The following CSNK2A2 variants were observed in gnomAD, a reference collection of about 807,000 sequenced individuals.
CSNK2A2 encodes casein kinase 2 alpha 2.
In CSNK2A2, 8 loss-of-function variants were observed where a neutral mutation model predicts 54.0. The observed-to-expected ratio is 0.15, with a 90% CI of 0.09 to 0.27. The LOEUF (loss-of-function observed/expected upper bound fraction) is 0.27, where lower values mean the gene tolerates loss of function less well. CSNK2A2 is among the 10% of genes least tolerant of loss of function. The pLI is 1.00. For missense variants in CSNK2A2, 242 were observed against 439.4 expected, an observed-to-expected ratio of 0.55 and a Z score of 4.02; for synonymous variants, 141 against 153.9, an observed-to-expected ratio of 0.92 and a Z score of 0.62.
chr16:58,174,162 T>C (rs982754105), intron 5 of CSNK2A2: 1 of 252,226 alleles, frequency 4.0e-6, no homozygotes, highest in Non-Finnish European at 7.5e-6. Flanking sequence ...ACATTCACAG[T>C]AGGTATTAAT....
In CSNK2A2 at chr16:58,158,359, GAA is replaced by G. The variant is rs1961210910; in HGVS notation, c.*18-8_*18-7del. 6.5e-6 allele frequency: 1 copy of G among 152,808 alleles called. No individual in the cohort carries two copies. The highest frequency in any genetic ancestry group is 2.4e-5 in the African/African-American group (1 of 41,464). The allele number at this position is 152,808 out of a possible 1,614,324, so 9.5% of individuals were successfully genotyped here. ...GTGGGAGAACCGCAACAGACCTGGG[GAA>G]AGAGACGGGAGGAGGGAAAGACGTC... On this transcript the variant is annotated splice_polypyrimidine_tract_variant and splice_region_variant and intron_variant, in intron 11 of 11. Coordinates refer to ENST00000262506, the MANE Select transcript of CSNK2A2 (RefSeq NM_001896.4).
chr16:58,183,726 ACACTT>A (rs1962123191), intron 4 of CSNK2A2, among the ~76,000 whole-genome samples: 1 of 152,186 alleles, frequency 6.6e-6, no homozygotes, highest in African/African-American at 2.4e-5. Flanking sequence ...TTTAAAAAGA[ACACTT>A]CAATGTCTAA....
At chr16:58,173,875 A>G (rs973663969) in intron 5 of CSNK2A2, 4 of 152,216 alleles carry the variant, frequency 2.6e-5, no homozygotes, top group Non-Finnish European at 1.5e-5. Context: ...TGACACAGGT[A>G]GAGGGTTGAA....
intron 4 of CSNK2A2, among the ~76,000 whole-genome samples, chr16:58,176,327 C>T (rs1482018656): frequency 6.6e-6 from 1 of 152,100 alleles, no homozygotes; most frequent in Non-Finnish European, 1.5e-5. Context: ...ATGGTGTAAG[C>T]CATAAAAATA....
At chr16:58,166,895 C>T (rs759509404) in intron 8 of CSNK2A2, among the ~76,000 whole-genome samples, 8 of 152,134 alleles carry the variant, frequency 5.3e-5, no homozygotes, top group Non-Finnish European at 1.2e-4. Flanking sequence ...ATACAACTTA[C>T]GATAATAATC....
intron 10 of CSNK2A2, among the ~76,000 whole-genome samples, chr16:58,164,524 A>G (rs1961505036): frequency 6.6e-6 from 1 of 152,214 alleles, no homozygotes; most frequent in African/African-American, 2.4e-5. Flanking sequence ...AGGTGAGTAA[A>G]AAGAGCCATC....
chr16:58,187,295 A>G (rs2142443175), intron 2 of CSNK2A2, among the ~76,000 whole-genome samples: 1 of 152,194 alleles, frequency 6.6e-6, no homozygotes, highest in East Asian at 1.9e-4. Context: ...TCAGGAGTGA[A>G]AGACCAGTTC....
chr16:58,164,584 A>C (rs1003149569), intron 10 of CSNK2A2, among the ~76,000 whole-genome samples: 1 of 152,248 alleles, frequency 6.6e-6, no homozygotes, highest in Non-Finnish European at 1.5e-5. Context: ...TTTTAAATTG[A>C]AGTATGACAT....
Position 58,196,800 on chromosome 16 carries a change from T to C in CSNK2A2, c.149A>G (p.Lys50Arg), listed in dbSNP as rs746222418. The change falls in exon 2 of 12, where the codon AAA (lysine) becomes AGA (arginine). Residue 50 changes from lysine (K) to arginine (R), a missense_variant. Lys to Arg is a conservative substitution (Grantham distance 26). This residue lies in a region of CSNK2A2 where 4 missense variants were observed against 23.3 expected (regional missense o/e 0.17). Transcript: ENST00000262506. The stretch of plus-strand genomic sequence containing the variant: ...AATGGCCTCAAATACTTCACTATAT[T>C]TTCCCCGACCAAGTTTTCGAACCAG... Reference protein sequence around the residue: ...YQLVRKLGRGKYSEVFEAINI... With the variant: ...YQLVRKLGRGRYSEVFEAINI... The C allele has an allele frequency of 6.2e-7, 1 of 1,613,982 alleles. No individual in the cohort carries two copies. The highest frequency in any genetic ancestry group is 8.5e-7 in the Non-Finnish European group (1 of 1,179,902).
intron 5 of CSNK2A2, among the ~76,000 whole-genome samples, chr16:58,170,871 C>T (rs533434750): frequency 2.0e-5 from 3 of 152,130 alleles, no homozygotes; most frequent in South Asian, 4.2e-4. Context: ...TCTCCCTTGC[C>T]TAACATAATA....
chr16:58,185,128 G>A (rs548579687), intron 3 of CSNK2A2, among the ~76,000 whole-genome samples: 2 of 152,000 alleles, frequency 1.3e-5, no homozygotes, highest in Non-Finnish European at 2.9e-5. Flanking sequence ...AAAATTGGGA[G>A]AAAGTAGGGA....
At chr16:58,186,373 T>C (rs1192068564) in intron 3 of CSNK2A2, among the ~76,000 whole-genome samples, 3 of 152,224 alleles carry the variant, frequency 2.0e-5, no homozygotes, top group Non-Finnish European at 2.9e-5. Flanking sequence ...CATTCTTTCC[T>C]TGTGTAAACC....
At chr16:58,189,802 C>T (rs776164479) in intron 2 of CSNK2A2, among the ~76,000 whole-genome samples, 1 of 152,208 alleles carries the variant, frequency 6.6e-6, no homozygotes, top group Non-Finnish European at 1.5e-5. Context: ...GTCCAGGACA[C>T]TTCCCTCCAA....
At chr16:58,165,027 C>T (rs573643620) in intron 10 of CSNK2A2, among the ~76,000 whole-genome samples, 2 of 152,320 alleles carry the variant, frequency 1.3e-5, no homozygotes, top group South Asian at 2.1e-4. Context: ...AAGAACCATA[C>T]ACATGCAGAA....
rs895926360 is a variant in CSNK2A2, at chr16:58,158,075, G to C, written c.*296C>G. 3 of 152,636 alleles carry C rather than the reference G, an allele frequency of 2.0e-5. No individual in the cohort carries two copies. Among genetic ancestry groups the C allele is most frequent in the Non-Finnish European group, 4.4e-5 (3 of 68,058 alleles). The allele number at this position is 152,636 out of a possible 1,614,324, so 9.5% of individuals were successfully genotyped here. On this transcript the variant is annotated 3_prime_UTR_variant, in exon 12 of 12. Coordinates refer to ENST00000262506, the MANE Select transcript of CSNK2A2 (RefSeq NM_001896.4). The stretch of plus-strand genomic sequence containing the variant: ...CACGGGACGAGTCGAGGGGCTCGGG[G>C]AGCAACAGTAACCAACAACATTCTG...
At chr16:58,164,237 G>C in intron 10 of CSNK2A2, 90 bp from the exon 11 acceptor site, 1 of 1,207,260 alleles carries the variant, frequency 8.3e-7, no homozygotes. Context: ...CGGAAAGAGA[G>C]ACAGACTGAT....
chr16:58,170,737 G>GA (rs1466177563), intron 5 of CSNK2A2, among the ~76,000 whole-genome samples: 1 of 152,022 alleles, frequency 6.6e-6, no homozygotes, highest in African/African-American at 2.4e-5. Flanking sequence ...TGATGAAGTG[G>GA]AACTTCTTTT....
At chr16:58,167,829 A>G (rs1961609912) in intron 6 of CSNK2A2, 34 bp from the exon 7 acceptor site, 2 of 1,546,228 alleles carry the variant, frequency 1.3e-6, no homozygotes, top group Non-Finnish European at 1.8e-6. Context: ...ATGTGAAAGG[A>G]GTGTTTCTAG....
intron 4 of CSNK2A2, among the ~76,000 whole-genome samples, chr16:58,182,371 T>C (rs1489715260): frequency 7.5e-5 from 1 of 13,346 alleles, no homozygotes; most frequent in Non-Finnish European, 1.2e-4. Context: ...CTACTAAATA[T>C]ACCAAAAAAA....
Sources: gnomAD v4.1 joint callset for allele counts (sites outside exome capture counted in the v4.1 genomes callset) on GRCh38, gnomAD v4.1.1 for gene constraint, gnomAD v4.1.1 regional missense constraint, MANE v1.5 for transcripts, NCBI Gene and HGNC (gene_info 2026-07-23, HGNC 2026-07-21) for gene names.